Variants in DNAH6 observed in about 807,000 individuals in gnomAD.
DNAH6 encodes dynein axonemal heavy chain 6, also known as axonemal beta dynein heavy chain 6.
A neutral mutation model predicts 491.4 loss-of-function variants in DNAH6; 340 were observed. That is an observed-to-expected ratio of 0.69 (90% CI 0.63 to 0.76). The LOEUF is 0.76. Among genes scored for constraint, DNAH6 ranks in the 30% least tolerant of loss-of-function variants. The probability of loss-of-function intolerance (pLI) is 0.00; values close to 1 mark genes in which losing one functional copy is unlikely to be tolerated. For synonymous variants in DNAH6, 1,603 were observed against 1,686.1 expected, an observed-to-expected ratio of 0.95 and a Z score of 1.21; for missense variants, 4,443 against 4,972.2, an observed-to-expected ratio of 0.89 and a Z score of 3.20.
intron 38 of DNAH6, among the ~76,000 whole-genome samples, chr2:84,669,814 A>G (rs1413455460): frequency 6.6e-6 from 1 of 152,154 alleles, no homozygotes; most frequent in Non-Finnish European, 1.5e-5. Context: ...TTGGATAAGA[A>G]TTGGGCAGAG....
At position 84,553,013 on chromosome 2, in the gene DNAH6, G is replaced by A; in HGVS notation, c.1581G>A (p.Glu527=). ...TGACAGTCCAGTCACTGCTCTTTGA[G>A]CCTTCTCTGGAAGACTTTCTGGTGT... ...LMLTVQSLLF[E]PSLEDFLDGI... Residue 527 remains glutamate, a synonymous_variant, in exon 10 of 77, where the codon GAG becomes GAA. Transcript: ENST00000389394. 1 of 1,603,220 alleles carries A rather than the reference G, an allele frequency of 6.2e-7. No homozygotes were observed. Among genetic ancestry groups the A allele is most frequent in the Non-Finnish European group, 8.5e-7 (1 of 1,173,690 alleles).
intron 22 of DNAH6, among the ~76,000 whole-genome samples, chr2:84,613,037 T>C (rs1189178516): frequency 6.6e-6 from 1 of 152,076 alleles, no homozygotes; most frequent in Non-Finnish European, 1.5e-5. Context: ...AAAATACATC[T>C]GCTCCTAAGG....
chr2:84,669,569 G>A, intron 38 of DNAH6, 59 bp downstream of exon 38: 6 of 1,377,660 alleles, frequency 4.4e-6, no homozygotes, highest in Non-Finnish European at 6.1e-6. Flanking sequence ...GATGGACTTA[G>A]AATCGTTAGC....
At position 84,814,120 on chromosome 2, in the gene DNAH6, G is replaced by C. The variant is rs1039103856; in HGVS notation, c.12148G>C (p.Glu4050Gln). ...TGGACAAGAACTGCCCATGGACATG[G>C]AGGTATTGTCCACCTGGCTGTTATG... is the stretch of plus-strand genomic sequence containing the variant. Reference protein sequence around the residue: ...QFGQELPMDMELPSPEDGVLV... With the variant: ...QFGQELPMDMQLPSPEDGVLV... Residue 4050 changes from glutamate to glutamine, a missense_variant and splice_region_variant, in exon 75 of 77, where the codon GAG (glutamate) becomes CAG (glutamine). By Grantham distance (29) the Glu-to-Gln change is conservative (BLOSUM62 2). This residue lies in a region of DNAH6 where 1,463 missense variants were observed against 1,656.6 expected (regional missense o/e 0.88). Transcript: ENST00000389394. 2.6e-6 allele frequency: 4 copies of C among 1,551,404 alleles called. No individual in the cohort carries two copies. The highest frequency in any genetic ancestry group is 3.5e-6 in the Non-Finnish European group (4 of 1,146,836).
intron 64 of DNAH6, among the ~76,000 whole-genome samples, chr2:84,773,696 A>C (rs1675856078): frequency 6.6e-6 from 1 of 151,842 alleles, no homozygotes; most frequent in Non-Finnish European, 1.5e-5. Flanking sequence ...TGCACAGTTT[A>C]TACACCAACA....
At position 84,746,740 on chromosome 2, in the gene DNAH6, G is replaced by C. The variant is rs961058233; in HGVS notation, c.10512+1491G>C. On this transcript the variant is annotated intron_variant, in intron 63 of 76. Coordinates refer to ENST00000389394, the MANE Select transcript of DNAH6 (RefSeq NM_001370.2). ...GCTATAAAGGAATGCCTGAGGCTGGGTAATTTATAAAGAAAGGAGGTTTAT... is the reference window on the plus strand; with the variant it reads ...GCTATAAAGGAATGCCTGAGGCTGGCTAATTTATAAAGAAAGGAGGTTTAT... 5.3e-5 allele frequency among the ~76,000 whole-genome samples: 8 copies of C among 152,166 alleles called. No individual in the cohort carries two copies. In the South Asian group the frequency reaches 1.2e-3, roughly 24 times the overall value.
intron 19 of DNAH6, 145 bp downstream of exon 19, chr2:84,604,696 C>A: frequency 1.5e-6 from 1 of 655,324 alleles, no homozygotes; most frequent in Admixed American, 2.9e-5. Context: ...TTCCTTACAA[C>A]AGATATTACT....
At chr2:84,611,908 G>T in intron 22 of DNAH6, 54 bp downstream of exon 22, 1 of 1,445,576 alleles carries the variant, frequency 6.9e-7, no homozygotes, top group South Asian at 1.3e-5. Context: ...TAGTAGTCTG[G>T]GACTTTAGTC....
intron 13 of DNAH6, among the ~76,000 whole-genome samples, chr2:84,578,874 C>A (rs1244829968): frequency 6.6e-6 from 1 of 152,168 alleles, no homozygotes; most frequent in Non-Finnish European, 1.5e-5. Context: ...TGAATTCTCA[C>A]AAGATCTGAT....
intron 3 of DNAH6, among the ~76,000 whole-genome samples, chr2:84,526,105 C>G (rs1676579812): frequency 6.6e-6 from 1 of 152,014 alleles, no homozygotes; most frequent in African/African-American, 2.4e-5. Context: ...GCTAGCAAGA[C>G]AATTTGTGTA....
intron 4 of DNAH6, among the ~76,000 whole-genome samples, chr2:84,537,651 A>AC (rs2104490823): frequency 6.6e-6 from 1 of 151,980 alleles, no homozygotes; most frequent in African/African-American, 2.4e-5. Context: ...ATCTAAGAAG[A>AC]CCCCTGGTGA....
At chr2:84,551,834 G>A (rs1378474905) in intron 9 of DNAH6, among the ~76,000 whole-genome samples, 4 of 152,276 alleles carry the variant, frequency 2.6e-5, no homozygotes, top group African/African-American at 9.6e-5. Flanking sequence ...GATCACCTGA[G>A]GTGAGGAGTT....
intron 64 of DNAH6, among the ~76,000 whole-genome samples, chr2:84,781,147 A>C (rs1676651336): frequency 6.6e-6 from 1 of 152,214 alleles, no homozygotes; most frequent in Admixed American, 6.5e-5. Context: ...GTTAGAAGTT[A>C]GGATAATGAT....
At chr2:84,707,437 A>C (rs947243930) in intron 53 of DNAH6, 83 bp from the exon 54 acceptor site, 1 of 1,276,724 alleles carries the variant, frequency 7.8e-7, no homozygotes, top group Non-Finnish European at 1.1e-6. Context: ...CTATTCTGCT[A>C]TAAAAAGAAA....
At chr2:84,611,631 A>T in intron 21 of DNAH6, 43 bp from the exon 22 acceptor site, 1 of 1,480,860 alleles carries the variant, frequency 6.8e-7, no homozygotes, top group Non-Finnish European at 9.2e-7. Context: ...TATGTTTTTA[A>T]TTGGGGAATT....
intron 29 of DNAH6, among the ~76,000 whole-genome samples, chr2:84,629,930 A>G (rs770375130): frequency 1.3e-5 from 2 of 152,188 alleles, no homozygotes; most frequent in Non-Finnish European, 2.9e-5. Flanking sequence ...CAAGAATGAT[A>G]ATAATAACTG....
At chr2:84,601,026 TG>T (rs1436587399) in intron 18 of DNAH6, among the ~76,000 whole-genome samples, 2 of 144,570 alleles carry the variant, frequency 1.4e-5, no homozygotes, top group Non-Finnish European at 3.0e-5. Flanking sequence ...ATAATAATAA[TG>T]TTATTATTAT....
chr2:84,794,092 A>G (rs1427211809), intron 68 of DNAH6, among the ~76,000 whole-genome samples: 1 of 152,174 alleles, frequency 6.6e-6, no homozygotes, highest in African/African-American at 2.4e-5. Context: ...TTCCCTATTT[A>G]ATAAATGGTG....
rs1384323339 is a variant in DNAH6 at position 84,621,313 on chromosome 2, G to A, written c.3915G>A (p.Gly1305=). 3 of 1,551,468 alleles carry A rather than the reference G, an allele frequency of 1.9e-6. No homozygotes were observed. In the Admixed American group the frequency reaches 5.9e-5, roughly 30 times the overall value. Residue 1305 remains glycine, a synonymous_variant, in exon 25 of 77, where the codon GGG becomes GGA. Coordinates refer to ENST00000389394, the MANE Select transcript of DNAH6 (RefSeq NM_001370.2). ...LCKAAIADYQ[G]KLRTDWVVAG... is the part of the protein sequence containing the mutation. ...AAGCTGCCATCGCTGACTATCAGGG[G>A]AAACTGAGGACAGACTGGGTGGTTG...
Sources: gnomAD v4.1 joint callset for allele counts (sites outside exome capture counted in the v4.1 genomes callset) on GRCh38, gnomAD v4.1.1 for gene constraint, gnomAD v4.1.1 regional missense constraint, MANE v1.5 for transcripts, NCBI Gene and HGNC (gene_info 2026-07-23, HGNC 2026-07-21) for gene names.